Variants in LRMDA observed in about 807,000 individuals in gnomAD.
LRMDA encodes leucine-rich melanocyte differentiation-associated protein.
In LRMDA, 18 loss-of-function variants were observed where a neutral mutation model predicts 29.8. The observed-to-expected ratio is 0.60, with a 90% CI of 0.42 to 0.90. The LOEUF is 0.90. Among genes scored for constraint, LRMDA ranks in the 40% least tolerant of loss-of-function variants. The pLI, the probability that LRMDA is intolerant of heterozygous loss-of-function variation, is 0.00. For missense variants in LRMDA, 273 were observed against 273.9 expected (o/e 1.00, Z 0.02); for synonymous variants, 125 against 109.4 (o/e 1.14, Z -0.89).
At chr10:76,236,011 A>C (rs1852145767) in intron 5 of LRMDA, among the ~76,000 whole-genome samples, 1 of 152,188 alleles carries the variant, frequency 6.6e-6, no homozygotes, top group Admixed American at 6.5e-5. Flanking sequence ...CGAGCCCAAA[A>C]AATGACCTCC....
rs114948711 is a variant in LRMDA at position 75,852,278 on chromosome 10, G to A, written c.132-183730G>A. On this transcript the variant is annotated intron_variant, in intron 2 of 6. Coordinates refer to ENST00000611255, the MANE Select transcript of LRMDA (RefSeq NM_001305581.2). ...AGAGATTGAAAACTCTGACTTCTGA[G>A]GTTCATTGTAAAGAGTTGTTGTAAT... Among the ~76,000 whole-genome samples, 151 of 152,234 alleles carry A rather than the reference G, an allele frequency of 9.9e-4. 1 individual carries two copies. The highest frequency in any genetic ancestry group is 3.4e-3 in the African/African-American group (142 of 41,550).
intron 6 of LRMDA, among the ~76,000 whole-genome samples, chr10:76,475,211 G>A (rs142387909): frequency 5.7e-4 from 87 of 151,774 alleles, no homozygotes; most frequent in African/African-American, 2.0e-3. Context: ...ACTGATGGTG[G>A]GCATGGGATT....
chr10:76,276,781 C>T (rs1175778319), intron 5 of LRMDA, among the ~76,000 whole-genome samples: 13 of 152,040 alleles, frequency 8.6e-5, no homozygotes. Context: ...TTAATATTTA[C>T]TTTTTTGTTT....
chr10:75,860,356 C>A (rs1354095522), intron 2 of LRMDA, among the ~76,000 whole-genome samples: 1 of 93,312 alleles, frequency 1.1e-5, no homozygotes, highest in Admixed American at 1.6e-4. Context: ...GTGTCTTGCT[C>A]TTTTACCCAG....
chr10:76,351,927 G>C lies in LRMDA; in HGVS notation c.601+27442G>C, dbSNP rs535686281. Among the ~76,000 whole-genome samples the C allele has an allele frequency of 2.0e-5, 3 of 152,214 alleles. No individual in the cohort carries two copies. In the East Asian group the frequency reaches 5.8e-4, roughly 29 times the overall value. ...GGTGCCAGTACCTCTAGGGGACAGA[G>C]TACAGGATAGTATAGTGTCAAGAGC... On this transcript the variant is annotated intron_variant, in intron 6 of 6. Coordinates refer to ENST00000611255, the MANE Select transcript of LRMDA (RefSeq NM_001305581.2).
chr10:76,365,085 C>CACATATAT (rs1272382582), intron 6 of LRMDA, among the ~76,000 whole-genome samples: 3 of 69,726 alleles, frequency 4.3e-5, no homozygotes, highest in African/African-American at 1.3e-4. Context: ...CACACACACA[C>CACATATAT]ATATATATAT....
intron 5 of LRMDA, among the ~76,000 whole-genome samples, chr10:76,285,433 TAAA>T (rs10552977): frequency 1.9e-3 from 277 of 149,118 alleles, no homozygotes; most frequent in Non-Finnish European, 2.0e-3. Flanking sequence ...TGCTAAATAT[TAAA>T]AAAAAAAAAA....
chr10:76,251,224 T>TTGG, intron 5 of LRMDA, among the ~76,000 whole-genome samples: 1 of 121,286 alleles, frequency 8.2e-6, no homozygotes, highest in South Asian at 2.9e-4. Flanking sequence ...CTCCCGTCGC[T>TTGG]TCTTTTTTTT....
chr10:76,475,834 A>T (rs1246831698), intron 6 of LRMDA, among the ~76,000 whole-genome samples: 3 of 152,154 alleles, frequency 2.0e-5, no homozygotes, highest in Non-Finnish European at 4.4e-5. Context: ...AGAAATAAAG[A>T]TGTTCTTTGA....
At chr10:76,008,175 T>G (rs1373131787) in intron 2 of LRMDA, among the ~76,000 whole-genome samples, 1 of 152,144 alleles carries the variant, frequency 6.6e-6, no homozygotes, top group Non-Finnish European at 1.5e-5. Flanking sequence ...GGGTGGCTAA[T>G]GTCCTAAGAA....
At chr10:76,154,746 A>T (rs1200469875) in intron 5 of LRMDA, among the ~76,000 whole-genome samples, 1 of 152,054 alleles carries the variant, frequency 6.6e-6, no homozygotes, top group African/African-American at 2.4e-5. Context: ...ATAGTATAGA[A>T]CTTCATACCT....
chr10:75,677,122 T>C (rs1380837615), intron 2 of LRMDA, among the ~76,000 whole-genome samples: 1 of 152,236 alleles, frequency 6.6e-6, no homozygotes, highest in African/African-American at 2.4e-5. Context: ...TAGAATGTAT[T>C]TATTTCCATG....
At chr10:76,464,516 G>A (rs1842545015) in intron 6 of LRMDA, among the ~76,000 whole-genome samples, 1 of 152,162 alleles carries the variant, frequency 6.6e-6, no homozygotes, top group Non-Finnish European at 1.5e-5. Context: ...GTACACACTG[G>A]ACAATTTAAC....
intron 5 of LRMDA, among the ~76,000 whole-genome samples, chr10:76,185,712 G>A (rs745670151): frequency 2.0e-5 from 3 of 152,296 alleles, no homozygotes; most frequent in South Asian, 2.1e-4. Flanking sequence ...TCCAGACATC[G>A]TTGAGATGTT....
chr10:75,791,584 G>C (rs1213297169), intron 2 of LRMDA, among the ~76,000 whole-genome samples: 1 of 152,142 alleles, frequency 6.6e-6, no homozygotes, highest in Non-Finnish European at 1.5e-5. Context: ...CCACAGAAAA[G>C]TCAAATTCTC....
intron 2 of LRMDA, among the ~76,000 whole-genome samples, chr10:75,617,645 T>A (rs920315062): frequency 6.6e-6 from 1 of 152,210 alleles, no homozygotes; most frequent in Non-Finnish European, 1.5e-5. Flanking sequence ...GTCTACACAC[T>A]CTGCTCCAGC....
intron 6 of LRMDA, among the ~76,000 whole-genome samples, chr10:76,443,986 G>A (rs1241927380): frequency 6.6e-6 from 1 of 152,142 alleles, no homozygotes; most frequent in Non-Finnish European, 1.5e-5. Context: ...AAAGCCCCAT[G>A]GAAGGCTGAG....
intron 6 of LRMDA, among the ~76,000 whole-genome samples, chr10:76,350,178 AAAT>A (rs1183189187): frequency 3.3e-5 from 5 of 152,050 alleles, no homozygotes; most frequent in African/African-American, 9.6e-5. Flanking sequence ...ACAAAAAAAA[AAAT>A]AAATAAATTC....
At chr10:76,016,304 A>G (rs1318394477) in intron 2 of LRMDA, among the ~76,000 whole-genome samples, 1 of 151,422 alleles carries the variant, frequency 6.6e-6, no homozygotes, top group Non-Finnish European at 1.5e-5. Context: ...TAAAAAAGGT[A>G]TATTACTCAT....
Sources: gnomAD v4.1 joint callset for allele counts (sites outside exome capture counted in the v4.1 genomes callset) on GRCh38, gnomAD v4.1.1 for gene constraint, MANE v1.5 for transcripts, NCBI Gene and HGNC (gene_info 2026-07-23, HGNC 2026-07-21) for gene names.